The following NCOA6 variants were observed in gnomAD, a reference collection of about 807,000 sequenced individuals.
The protein encoded by NCOA6 is NRC RAP250.
Under a neutral mutation model 171.4 loss-of-function variants are expected in NCOA6, and 49 were observed. The ratio of observed to expected loss-of-function variants is 0.29; its 90% CI spans 0.23 to 0.36. The LOEUF (loss-of-function observed/expected upper bound fraction) is 0.36. Among genes scored for constraint, NCOA6 ranks in the 10% least tolerant of loss-of-function variants. NCOA6 has a pLI of 1.00. For missense variants in NCOA6, 2,248 were observed against 2,554.5 expected, an observed-to-expected ratio of 0.88 and a Z score of 2.59; for synonymous variants, 910 against 927.5, an observed-to-expected ratio of 0.98 and a Z score of 0.34.
chr20:34,808,420 C>A (rs1338165092), intron 1 of NCOA6, among the ~76,000 whole-genome samples: 4 of 151,322 alleles, frequency 2.6e-5, no homozygotes, highest in Non-Finnish European at 5.9e-5. Context: ...AGCAGTGGTT[C>A]CCAAACTTGT....
chr20:34,738,260 A>C (rs191681185), intron 11 of NCOA6, among the ~76,000 whole-genome samples: 1 of 152,168 alleles, frequency 6.6e-6, no homozygotes, highest in Non-Finnish European at 1.5e-5. Flanking sequence ...AACAGAAACA[A>C]TCACTTATAA....
At chr20:34,761,009 T>G (rs373298027) in intron 5 of NCOA6, among the ~76,000 whole-genome samples, 5 of 152,188 alleles carry the variant, frequency 3.3e-5, no homozygotes, top group South Asian at 2.1e-4. Context: ...TCACTTGAGA[T>G]CAGGGGTTCG....
Position 34,740,544 on chromosome 20 carries a change from G to A in NCOA6, c.5712C>T (p.Ser1904=). ...TGGTGGGGAGAGCACCGCCAGGTAA[G>A]CTGGGTCCTGCTGAGGCAGTGCCCG... ...VGPGTASAGP[S]LPGGALPTSV... is the part of the protein sequence containing the mutation. Residue 1904 remains serine (S), a synonymous_variant, in exon 11 of 15, where the codon AGC becomes AGT. Coordinates refer to ENST00000359003, the MANE Select transcript of NCOA6 (RefSeq NM_014071.5). 6.2e-7 allele frequency: 1 copy of A among 1,614,178 alleles called. No individual in the cohort carries two copies. The highest frequency in any genetic ancestry group is 1.1e-5 in the South Asian group (1 of 91,090).
At position 34,742,677 on chromosome 20, in the gene NCOA6, G is replaced by C. The variant is rs201362806; in HGVS notation, c.3579C>G (p.His1193Gln). 1.2e-6 allele frequency: 2 copies of C among 1,614,198 alleles called. No individual in the cohort carries two copies. Among genetic ancestry groups the C allele is most frequent in the African/African-American group, 2.7e-5 (2 of 75,042 alleles). Residue 1193 changes from histidine (H) to glutamine (Q), a missense_variant, in exon 11 of 15, where the codon CAC (histidine) becomes CAG (glutamine). His to Gln is a conservative substitution (Grantham distance 24). Around this residue, in one of 7 missense-constraint regions of NCOA6, gnomAD observed 352 missense variants for 419.1 expected, o/e 0.84. Coordinates refer to ENST00000359003, the MANE Select transcript of NCOA6 (RefSeq NM_014071.5). Reference protein sequence around the residue: ...QPPVNSLPSSHGHHFPNVAAP... With the variant: ...QPPVNSLPSSQGHHFPNVAAP... ...CAGCCACATTTGGGAAGTGGTGGCC[G>C]TGAGAGCTGGGCAGGGAATTTACAG...
chr20:34,791,611 C>A (rs2077888414), intron 2 of NCOA6, among the ~76,000 whole-genome samples: 1 of 152,140 alleles, frequency 6.6e-6, no homozygotes, highest in Non-Finnish European at 1.5e-5. Context: ...TTTCTAGATA[C>A]AAAAACTACT....
intron 14 of NCOA6, among the ~76,000 whole-genome samples, chr20:34,724,604 C>T (rs527725889): frequency 6.6e-6 from 1 of 152,258 alleles, no homozygotes; most frequent in African/African-American, 2.4e-5. Flanking sequence ...TGGTCACTGC[C>T]TCCTCATTCT....
Position 34,749,873 on chromosome 20 carries a change from G to C in NCOA6, c.2322C>G (p.Asn774Lys), listed in dbSNP as rs1319644045. The stretch of plus-strand genomic sequence containing the variant: ...TGCCCATAACCTGAGATGGACTGTT[G>C]TTCACAGGCCCTTGCTGGGGCAGCA... The part of the protein sequence containing the change: ...GQMLPQQGPV[N>K]NSPSQVMGIQ... Residue 774 changes from asparagine (N) to lysine (K), a missense_variant, in exon 9 of 15, where the codon AAC (asparagine) becomes AAG (lysine). Asn to Lys is a moderately conservative substitution (Grantham distance 94). Around this residue, in one of 7 missense-constraint regions of NCOA6, gnomAD observed 987 missense variants for 1,104.7 expected, o/e 0.89. Coordinates refer to ENST00000359003, the MANE Select transcript of NCOA6 (RefSeq NM_014071.5). The C allele has an allele frequency of 1.2e-6, 2 of 1,614,240 alleles. No individual in the cohort carries two copies. The highest frequency in any genetic ancestry group is 1.7e-6 in the Non-Finnish European group (2 of 1,180,046).
At chr20:34,751,339 C>T (rs902359196) in intron 8 of NCOA6, among the ~76,000 whole-genome samples, 1 of 121,130 alleles carries the variant, frequency 8.3e-6, no homozygotes, top group African/African-American at 3.1e-5. Flanking sequence ...CACTGCAGTC[C>T]GCAGTCCAGC....
intron 10 of NCOA6, among the ~76,000 whole-genome samples, chr20:34,746,402 G>A (rs2076303288): frequency 6.6e-6 from 1 of 152,040 alleles, no homozygotes; most frequent in Non-Finnish European, 1.5e-5. Context: ...ACCACACCTG[G>A]CTAATTTTTA....
At chr20:34,816,737 G>T (rs1403322561) in intron 1 of NCOA6, among the ~76,000 whole-genome samples, 1 of 152,024 alleles carries the variant, frequency 6.6e-6, no homozygotes, top group Non-Finnish European at 1.5e-5. Context: ...GGGAGGCAGA[G>T]GTTGCAGTGA....
chr20:34,745,416 T>C (rs1262283243), intron 10 of NCOA6, among the ~76,000 whole-genome samples: 3 of 152,216 alleles, frequency 2.0e-5, no homozygotes, highest in Non-Finnish European at 2.9e-5. Flanking sequence ...GGCATGTTCC[T>C]GCTCTCAATG....
Position 34,757,483 on chromosome 20 carries a change from T to C in NCOA6, c.1265A>G (p.His422Arg), listed in dbSNP as rs746494100. ...GGAGGCAGGAGACTTGTTGGTGAGG[T>C]GGGGCTGCTGCAAGGGAGTTGGGAC... ...SRVPTPLQQP[H>R]LTNKSPASSP... Residue 422 changes from histidine (H) to arginine (R), a missense_variant, in exon 7 of 15, where the codon CAC (histidine) becomes CGC (arginine). Physicochemically the swap from His to Arg is conservative, Grantham distance 29. Coordinates refer to ENST00000359003, the MANE Select transcript of NCOA6 (RefSeq NM_014071.5). 6.2e-7 allele frequency: 1 copy of C among 1,613,788 alleles called. No homozygotes were observed. Among genetic ancestry groups the C allele is most frequent in the Non-Finnish European group, 8.5e-7 (1 of 1,179,850 alleles).
At chr20:34,736,613 A>G in intron 12 of NCOA6, 77 bp downstream of exon 12, 1 of 1,216,650 alleles carries the variant, frequency 8.2e-7, no homozygotes, top group Non-Finnish European at 1.2e-6. Flanking sequence ...ATAAGAACAC[A>G]CGACATTGAG....
chr20:34,811,250 A>T (rs2078657295), intron 1 of NCOA6, among the ~76,000 whole-genome samples: 1 of 91,138 alleles, frequency 1.1e-5, no homozygotes. Flanking sequence ...TTCAAAATGC[A>T]TTTTACAAAT....
rs140954003 is a variant in NCOA6 at position 34,801,840 on chromosome 20, C to T, written c.-163-9277G>A. 7.4e-3 allele frequency among the ~76,000 whole-genome samples: 1,118 copies of T among 151,778 alleles called. 13 individuals are homozygous for T. Among genetic ancestry groups the T allele is most frequent in the African/African-American group, 0.025 (1,014 of 41,380 alleles). On this transcript the variant is annotated intron_variant, in intron 1 of 14. Transcript: ENST00000359003. ...AGATTGCATCAATGCACTCCAGCCT[C>T]GGCGACAGAGACTCCATCTCAAAAA...
chr20:34,807,945 T>G (rs1601121963), intron 1 of NCOA6, among the ~76,000 whole-genome samples: 1 of 149,424 alleles, frequency 6.7e-6, no homozygotes, highest in African/African-American at 2.4e-5. Context: ...AAGTCGGGAG[T>G]TTGAGATCAC....
intron 12 of NCOA6, among the ~76,000 whole-genome samples, chr20:34,734,658 C>G (rs1329732856): frequency 1.3e-5 from 2 of 148,390 alleles, no homozygotes; most frequent in African/African-American, 4.9e-5. Flanking sequence ...GTTTGCTCTT[C>G]TTTTTTTTTT....
At chr20:34,796,757 C>A (rs146892131) in intron 1 of NCOA6, among the ~76,000 whole-genome samples, 10 of 151,908 alleles carry the variant, frequency 6.6e-5, no homozygotes, top group African/African-American at 2.4e-4. Context: ...CCATGATCAG[C>A]ATTCCAGCAT....
At chr20:34,725,170 A>G (rs1989814386) in intron 14 of NCOA6, among the ~76,000 whole-genome samples, 1 of 152,204 alleles carries the variant, frequency 6.6e-6, no homozygotes, top group South Asian at 2.1e-4. Context: ...ATGGTTATTC[A>G]TTTGATAATT....
Sources: allele counts gnomAD v4.1 joint callset (sites outside exome capture counted in the v4.1 genomes callset), GRCh38; gene constraint gnomAD v4.1.1; regional missense constraint gnomAD v4.1.1; transcripts MANE v1.5; gene names NCBI Gene and HGNC (gene_info 2026-07-23, HGNC 2026-07-21).